Variants in RSRC1 observed in about 807,000 individuals in gnomAD.
The protein encoded by RSRC1 is arginine and serine rich coiled-coil 1, also known as serine/Arginine-related protein 53.
Under a neutral mutation model 49.1 loss-of-function variants are expected in RSRC1, and 39 were observed. The ratio of observed to expected loss-of-function variants is 0.79; its 90% confidence interval spans 0.61 to 1.04. The LOEUF (loss-of-function observed/expected upper bound fraction) is 1.04. RSRC1 is among the 50% of genes least tolerant of loss of function. The pLI, the probability that RSRC1 is intolerant of heterozygous loss-of-function variation, is 0.00. For synonymous variants in RSRC1, 143 were observed against 130.8 expected (o/e 1.09, Z -0.63); for missense variants, 388 against 402.4 (o/e 0.96, Z 0.31).
chr3:158,147,518 T>TC, intron 3 of RSRC1, among the ~76,000 whole-genome samples: 1 of 151,864 alleles, frequency 6.6e-6, no homozygotes, highest in East Asian at 1.9e-4. Context: ...AAATTTTCTT[T>TC]TTTTTTTATT....
Position 158,211,109 on chromosome 3 carries a change from A to G in RSRC1, c.494+7864A>G, listed in dbSNP as rs578085420. Among the ~76,000 whole-genome samples the G allele has an allele frequency of 5.9e-5, 9 of 152,194 alleles. No homozygotes were observed. The East Asian group carries it at 1.5e-3, about 26-fold the overall frequency. ...TTTAGTAAGTTTCATTACATGGTCT[A>G]TAAAAAATTTAGTGGACCCTTTGCA... is the stretch of plus-strand genomic sequence containing the variant. On this transcript the variant is annotated intron_variant, in intron 4 of 9. Transcript: ENST00000611884.
At chr3:158,384,994 C>T (rs1732896640) in intron 6 of RSRC1, among the ~76,000 whole-genome samples, 1 of 151,936 alleles carries the variant, frequency 6.6e-6, no homozygotes, top group African/African-American at 2.4e-5. Flanking sequence ...CCCAAAGTGC[C>T]ATTTAGTGAT....
chr3:158,408,808 G>C (rs1205244776), intron 6 of RSRC1, among the ~76,000 whole-genome samples: 1 of 152,020 alleles, frequency 6.6e-6, no homozygotes, highest in Admixed American at 6.6e-5. Flanking sequence ...AAGGTAGGGG[G>C]ATCACTTGAG....
intron 5 of RSRC1, among the ~76,000 whole-genome samples, chr3:158,304,825 T>C (rs1387059921): frequency 6.6e-6 from 1 of 152,178 alleles, no homozygotes; most frequent in Non-Finnish European, 1.5e-5. Flanking sequence ...AAGTTTTTCT[T>C]CTTTCTACAA....
chr3:158,419,912 A>T (rs1734948424), intron 6 of RSRC1, among the ~76,000 whole-genome samples: 1 of 151,758 alleles, frequency 6.6e-6, no homozygotes, highest in Non-Finnish European at 1.5e-5. Context: ...CTACATTAAC[A>T]GTCCTTTGAA....
chr3:158,148,992 C>T (rs1294343100), intron 3 of RSRC1, among the ~76,000 whole-genome samples: 1 of 152,180 alleles, frequency 6.6e-6, no homozygotes, highest in Non-Finnish European at 1.5e-5. Context: ...CCATGTTGGT[C>T]AGGCTGGTCT....
At chr3:158,312,413 T>C (rs575733559) in intron 5 of RSRC1, among the ~76,000 whole-genome samples, 2 of 152,268 alleles carry the variant, frequency 1.3e-5, no homozygotes, top group South Asian at 2.1e-4. Context: ...GTGATAGATA[T>C]GGAATGATGA....
At chr3:158,405,645 C>T (rs546084275) in intron 6 of RSRC1, among the ~76,000 whole-genome samples, 3 of 152,202 alleles carry the variant, frequency 2.0e-5, no homozygotes, top group Admixed American at 6.5e-5. Context: ...GGTTTCAGGG[C>T]TTTAATCCCT....
intron 6 of RSRC1, among the ~76,000 whole-genome samples, chr3:158,369,854 A>G (rs562444402): frequency 6.4e-4 from 97 of 152,214 alleles, no homozygotes; most frequent in Admixed American, 3.3e-3. Flanking sequence ...TGAGTTATAC[A>G]TTAATAAAAA....
intron 6 of RSRC1, among the ~76,000 whole-genome samples, chr3:158,382,307 CT>C (rs925261921): frequency 4.6e-5 from 7 of 151,832 alleles, no homozygotes; most frequent in Admixed American, 6.6e-5. Context: ...TTACAGTTAA[CT>C]TTTTTTTATA....
In RSRC1 at chr3:158,218,292, A is replaced by G. The variant is rs73874337; in HGVS notation, c.494+15047A>G. ...GAGGGATAAGTAAGAGTGGATGCGG[A>G]GAAACCAGATAAGTAGCACAGTAAT... On this transcript the variant is annotated intron_variant, in intron 4 of 9. Transcript: ENST00000611884. Among the ~76,000 whole-genome samples the G allele has an allele frequency of 2.1e-3, 319 of 151,832 alleles. 1 individual carries two copies. Among genetic ancestry groups the G allele is most frequent in the African/African-American group, 7.3e-3 (304 of 41,482 alleles).
chr3:158,473,945 A>C (rs1389495692), intron 7 of RSRC1, among the ~76,000 whole-genome samples: 1 of 152,190 alleles, frequency 6.6e-6, no homozygotes, highest in Non-Finnish European at 1.5e-5. Context: ...CTTACTTAGG[A>C]TATTATTATC....
intron 5 of RSRC1, among the ~76,000 whole-genome samples, chr3:158,342,138 CTGTG>C (rs1730279963): frequency 6.6e-6 from 1 of 152,118 alleles, no homozygotes; most frequent in South Asian, 2.1e-4. Flanking sequence ...ATACTTTGGA[CTGTG>C]GACTTTTGGG....
chr3:158,354,103 GC>G lies in RSRC1; in HGVS notation c.532-752del, dbSNP rs1236024949. Among the ~76,000 whole-genome samples, 16 of 140,226 alleles carry G rather than the reference GC, an allele frequency of 1.1e-4. No individual in the cohort carries two copies. In the East Asian group the frequency reaches 3.2e-3, roughly 28 times the overall value. The allele number at this position is 140,226 out of a possible 152,430, so 92.0% of individuals were successfully genotyped here. The stretch of plus-strand genomic sequence containing the variant: ...CCTCCCAGGTTCAAGCAATTCTCCT[GC>G]CTCAGCCTCCCAAGTAGCTGGGACT... On this transcript the variant is annotated intron_variant, in intron 5 of 9. Transcript: ENST00000611884.
At chr3:158,467,264 A>G (rs1166582470) in intron 7 of RSRC1, among the ~76,000 whole-genome samples, 3 of 152,204 alleles carry the variant, frequency 2.0e-5, no homozygotes, top group African/African-American at 4.8e-5. Flanking sequence ...ATCAAAGCCC[A>G]TATACTCAAA....
chr3:158,447,524 C>G (rs1736787993), intron 6 of RSRC1, among the ~76,000 whole-genome samples: 1 of 151,752 alleles, frequency 6.6e-6, no homozygotes, highest in African/African-American at 2.4e-5. Context: ...TTTAAAAAGC[C>G]ATGATAGTAA....
chr3:158,428,021 G>A (rs1735558734), intron 6 of RSRC1, among the ~76,000 whole-genome samples: 1 of 151,674 alleles, frequency 6.6e-6, no homozygotes, highest in African/African-American at 2.4e-5. Context: ...CTATATTTCT[G>A]TCTATGAAAC....
rs536417077 is a variant in RSRC1 at position 158,148,846 on chromosome 3, C to T, written c.320+24855C>T. 2.0e-4 allele frequency among the ~76,000 whole-genome samples: 30 copies of T among 151,284 alleles called. No homozygotes were observed. In the South Asian group the frequency reaches 3.8e-3, roughly 19 times the overall value. The stretch of plus-strand genomic sequence containing the variant: ...TTGCCCAGGCTAGAGTGCAATGGCG[C>T]GATCTCGGCTCACTGCAGCCTCCAC... On this transcript the variant is annotated intron_variant, in intron 3 of 9. Coordinates refer to ENST00000611884, the MANE Select transcript of RSRC1 (RefSeq NM_001271838.2).
rs545086491 is a variant in RSRC1 at position 158,265,057 on chromosome 3, T to G, written c.495-32982T>G. Among the ~76,000 whole-genome samples, 5 of 152,338 alleles carry G rather than the reference T, an allele frequency of 3.3e-5. No individual in the cohort carries two copies. In the East Asian group the frequency reaches 9.7e-4, roughly 29 times the overall value. Reference sequence around the variant, plus strand: ...TTGTGAACTCTTAACTGCCTTGGTCTGCCTGGACTGCCAGCTCTGACTCTG... The same window carrying G: ...TTGTGAACTCTTAACTGCCTTGGTCGGCCTGGACTGCCAGCTCTGACTCTG... On this transcript the variant is annotated intron_variant, in intron 4 of 9. Coordinates refer to ENST00000611884, the MANE Select transcript of RSRC1 (RefSeq NM_001271838.2).
Sources: allele counts gnomAD v4.1 joint callset (sites outside exome capture counted in the v4.1 genomes callset), GRCh38; gene constraint gnomAD v4.1.1; transcripts MANE v1.5; gene names NCBI Gene and HGNC (gene_info 2026-07-23, HGNC 2026-07-21).